Variants in PXT1 observed in about 807,000 individuals in gnomAD.
PXT1 encodes the protein peroxisomal testis enriched protein 1.
Under a neutral mutation model 11.0 loss-of-function variants are expected in PXT1, and 11 were observed. The ratio of observed to expected loss-of-function variants is 1.00; its 90% confidence interval spans 0.63 to 1.66. The LOEUF is 1.66. PXT1 is among the 40% of genes most tolerant of loss of function. PXT1 has a pLI of 0.00. For missense variants in PXT1, 141 were observed against 155.5 expected (o/e 0.91, Z 0.49); for synonymous variants, 43 against 51.4 (o/e 0.84, Z 0.70).
chr6:36,413,635 C>T (rs993740022), intron 3 of PXT1, among the ~76,000 whole-genome samples: 1 of 152,110 alleles, frequency 6.6e-6, no homozygotes, highest in Admixed American at 6.6e-5. Flanking sequence ...TTTTTTAATG[C>T]CCTCAAAGAT....
rs541082430 is a variant in PXT1, at chr6:36,419,018, T to C, written c.169+6896A>G. Among the ~76,000 whole-genome samples the C allele has an allele frequency of 2.0e-5, 3 of 152,370 alleles. No homozygotes were observed. In the South Asian group the frequency reaches 6.2e-4, roughly 32 times the overall value. Reference sequence around the variant, plus strand: ...TGATCAAAATTGCAACCCTATTGCCTGTAATTTCAGTTTTCTATAAAATTG... The same window carrying C: ...TGATCAAAATTGCAACCCTATTGCCCGTAATTTCAGTTTTCTATAAAATTG... On this transcript the variant is annotated intron_variant, in intron 3 of 4. Transcript: ENST00000454782.
At position 36,391,832 on chromosome 6, in the gene PXT1, A is replaced by G. The variant is rs1212883457; in HGVS notation, c.343T>C (p.Phe115Leu). 1.2e-6 allele frequency: 2 copies of G among 1,613,982 alleles called. No individual in the cohort carries two copies. Among genetic ancestry groups the G allele is most frequent in the Non-Finnish European group, 1.7e-6 (2 of 1,179,854 alleles). Residue 115 changes from phenylalanine (F) to leucine (L), a missense_variant, in exon 5 of 5, where the codon TTC becomes CTC. Coordinates refer to ENST00000454782, the MANE Select transcript of PXT1 (RefSeq NM_152990.4). Reference sequence around the variant, plus strand: ...ACCTGAACTCTTCTAAAGAAAAAGAAGACAAAATGATCTAGTGCATCTCTG... The same window carrying G: ...ACCTGAACTCTTCTAAAGAAAAAGAGGACAAAATGATCTAGTGCATCTCTG... ...DGRDALDHFV[F>L]FFFRRVQVLL...
At chr6:36,416,701 T>C (rs986816361) in intron 3 of PXT1, among the ~76,000 whole-genome samples, 2 of 152,220 alleles carry the variant, frequency 1.3e-5, no homozygotes. Context: ...AAATCCTGTA[T>C]TATATAAATG....
At chr6:36,398,346 T>G (rs6927636) in intron 4 of PXT1, among the ~76,000 whole-genome samples, 131,621 of 152,176 alleles carry the variant, frequency 0.86, 57,357 homozygotes, top group African/African-American at 0.97. Context: ...ACATAGAGAT[T>G]TCACATGACC....
intron 3 of PXT1, among the ~76,000 whole-genome samples, chr6:36,417,946 CA>C (rs1320470005): frequency 1.3e-5 from 2 of 151,838 alleles, no homozygotes; most frequent in African/African-American, 4.8e-5. Context: ...CCTGTAATCC[CA>C]GCACTCTGGG....
At chr6:36,404,135 A>C (rs1774253984) in intron 3 of PXT1, among the ~76,000 whole-genome samples, 1 of 152,204 alleles carries the variant, frequency 6.6e-6, no homozygotes, top group Non-Finnish European at 1.5e-5. Context: ...AAGAGGTAAA[A>C]AGGGAACCAG....
chr6:36,435,996 T>C (rs892654843), intron 2 of PXT1, among the ~76,000 whole-genome samples: 1 of 151,642 alleles, frequency 6.6e-6, no homozygotes, highest in African/African-American at 2.4e-5. Flanking sequence ...GCAGGGATCC[T>C]GGAAAACAAG....
intron 3 of PXT1, among the ~76,000 whole-genome samples, chr6:36,405,873 G>A (rs943307031): frequency 2.6e-5 from 4 of 152,106 alleles, no homozygotes; most frequent in East Asian, 1.9e-4. Context: ...GTAACATGCC[G>A]TACAGGTTTG....
intron 2 of PXT1, among the ~76,000 whole-genome samples, chr6:36,432,674 T>C (rs1282364489): frequency 6.6e-6 from 1 of 152,144 alleles, no homozygotes; most frequent in African/African-American, 2.4e-5. Context: ...AAAAGGACAC[T>C]TGTTTGAAAA....
At chr6:36,410,144 GGA>G (rs146278596) in intron 3 of PXT1, among the ~76,000 whole-genome samples, 18 of 140,470 alleles carry the variant, frequency 1.3e-4, no homozygotes, top group South Asian at 4.6e-4. Context: ...AAGGAAGGAA[GGA>G]GAGAGAGAGA....
chr6:36,391,046 C>T lies in PXT1; in HGVS notation c.*724G>A, dbSNP rs1183391551. The T allele has an allele frequency of 6.6e-6, 1 of 152,242 alleles. No individual in the cohort carries two copies. The highest frequency in any genetic ancestry group is 1.5e-5 in the Non-Finnish European group (1 of 68,166). The allele number at this position is 152,242 out of a possible 1,614,324, so 9.4% of individuals were successfully genotyped here. A position where few individuals can be genotyped will look rare whatever the true frequency, so the allele number is the denominator to read the frequency against. On this transcript the variant is annotated 3_prime_UTR_variant, in exon 5 of 5. Transcript: ENST00000454782. The stretch of plus-strand genomic sequence containing the variant: ...AAAACACTGGAGTGGTGAAGGAAGA[C>T]TTGAAGGGGGTCACAGAGGAGTGAG...
chr6:36,393,178 T>A (rs1172898942), intron 4 of PXT1: 1 of 152,186 alleles, frequency 6.6e-6, no homozygotes, highest in African/African-American at 2.4e-5. Flanking sequence ...TTTCTCCATG[T>A]TGGTCAGCCT....
intron 2 of PXT1, among the ~76,000 whole-genome samples, chr6:36,437,285 T>C (rs1206131710): frequency 2.9e-5 from 4 of 139,776 alleles, no homozygotes; most frequent in Admixed American, 7.1e-5. Context: ...AGACTCCATC[T>C]CAAAACAAAC....
intron 3 of PXT1, among the ~76,000 whole-genome samples, chr6:36,423,562 A>G (rs1008764754): frequency 6.6e-6 from 1 of 152,232 alleles, no homozygotes; most frequent in Admixed American, 6.5e-5. Context: ...GGGTTCCCGA[A>G]TTACACACAC....
At chr6:36,401,693 A>G (rs62403733) in intron 3 of PXT1, among the ~76,000 whole-genome samples, 5,860 of 151,782 alleles carry the variant, frequency 0.039, 144 homozygotes, top group African/African-American at 0.069. Flanking sequence ...AATTAAATCA[A>G]TGATCAGTTT....
In PXT1 at chr6:36,390,709, CTA is replaced by C. The variant is rs1774053643; in HGVS notation, c.*1059_*1060del. On this transcript the variant is annotated 3_prime_UTR_variant, in exon 5 of 5. Coordinates refer to ENST00000454782, the MANE Select transcript of PXT1 (RefSeq NM_152990.4). Reference sequence around the variant, plus strand: ...TCTTTTAAAGGAGGGGAGAGAGGGACTATGAGGTAGACAAAAAGGTAAAAGAA... The same window carrying C: ...TCTTTTAAAGGAGGGGAGAGAGGGACTGAGGTAGACAAAAAGGTAAAAGAA... 6.6e-6 allele frequency: 1 copy of C among 152,030 alleles called. No individual in the cohort carries two copies. The highest frequency in any genetic ancestry group is 1.5e-5 in the Non-Finnish European group (1 of 68,024). 9.4% of individuals were successfully genotyped at this position (152,030 alleles called of 1,614,324 possible). A position where few individuals can be genotyped will look rare whatever the true frequency, so the allele number is the denominator to read the frequency against.
chr6:36,442,045 T>C (rs1461214689), intron 1 of PXT1, among the ~76,000 whole-genome samples: 1 of 151,708 alleles, frequency 6.6e-6, no homozygotes, highest in African/African-American at 2.4e-5. Flanking sequence ...GCATAATCAG[T>C]ATATTTAATT....
At chr6:36,408,460 A>G (rs1367992040) in intron 3 of PXT1, among the ~76,000 whole-genome samples, 1 of 149,530 alleles carries the variant, frequency 6.7e-6, no homozygotes, top group Non-Finnish European at 1.5e-5. Flanking sequence ...CAGTCTTACC[A>G]TGTTGCCCAG....
At chr6:36,411,579 T>C (rs1244524383) in intron 3 of PXT1, among the ~76,000 whole-genome samples, 1 of 152,194 alleles carries the variant, frequency 6.6e-6, no homozygotes, top group East Asian at 1.9e-4. Context: ...TTACTACCCA[T>C]CTGGGGGAAC....
Sources: allele counts gnomAD v4.1 joint callset (sites outside exome capture counted in the v4.1 genomes callset), GRCh38; gene constraint gnomAD v4.1.1; transcripts MANE v1.5; gene names NCBI Gene and HGNC (gene_info 2026-07-23, HGNC 2026-07-21).